HCFC1: variants seen among roughly 807,000 people sequenced by gnomAD.
HCFC1 encodes host cell factor 1.
HCFC1 carries 7 observed loss-of-function variants against 105.5 expected under a neutral mutation model. That is an observed-to-expected ratio of 0.07 (90% CI 0.04 to 0.12). The LOEUF (loss-of-function observed/expected upper bound fraction) is 0.12. Ranked by LOEUF, HCFC1 falls within the 10% of genes least tolerant of loss-of-function variation. The probability of loss-of-function intolerance (pLI) is 1.00; values close to 1 mark genes in which losing one functional copy is unlikely to be tolerated. For missense variants in HCFC1, 1,065 were observed against 1,823.6 expected, an observed-to-expected ratio of 0.58 and a Z score of 7.58; for synonymous variants, 918 against 828.1, an observed-to-expected ratio of 1.11 and a Z score of -1.86.
intron 13 of HCFC1, 113 bp downstream of exon 13, chrX:153,957,201 G>T: frequency 1.0e-6 from 1 of 969,605 alleles, no homozygotes; most frequent in South Asian, 2.2e-5. Flanking sequence ...AGGCAGCAAG[G>T]AGAAGATAGA....
intron 6 of HCFC1, among the ~76,000 whole-genome samples, chrX:153,960,866 C>A (rs1161846311): frequency 1.8e-5 from 2 of 112,865 alleles, no homozygotes; most frequent in African/African-American, 6.4e-5. Flanking sequence ...GGCCACCCAT[C>A]AGGCTTGGCA....
At chrX:153,957,225 A>G in intron 13 of HCFC1, 89 bp downstream of exon 13, 1 of 992,423 alleles carries the variant, frequency 1.0e-6, no homozygotes, top group South Asian at 2.2e-5. Context: ...GGGTAAACTA[A>G]ACAGAAACAC....
At chrX:153,966,488 A>G (rs1012799203) in intron 1 of HCFC1, among the ~76,000 whole-genome samples, 3 of 112,460 alleles carry the variant, frequency 2.7e-5, no homozygotes, top group Non-Finnish European at 5.6e-5. Flanking sequence ...CCTCTTTCTC[A>G]TTCCCAGTGC....
In HCFC1 at chrX:153,951,628, G is replaced by T. The variant is rs1057521778; in HGVS notation, c.5340C>A (p.Thr1780=). 1 of 1,211,150 alleles carries T rather than the reference G, an allele frequency of 8.3e-7. No individual in the cohort carries two copies. The highest frequency in any genetic ancestry group is 1.1e-6 in the Non-Finnish European group (1 of 895,258). Residue 1780 remains threonine (T), a synonymous_variant, in exon 21 of 26, where the codon ACC becomes ACA. Coordinates refer to ENST00000310441, the MANE Select transcript of HCFC1 (RefSeq NM_005334.3). ...ASPAKLQAAA[T]LTEVANGIES... ...CGATGCCATTGGCCACTTCGGTCAG[G>T]GTAGCTGCAGCCTGCAGCTTGGCTG...
intron 23 of HCFC1, 72 bp downstream of exon 23, chrX:153,950,741 C>G (rs910759871): frequency 2.3e-4 from 245 of 1,064,564 alleles, no homozygotes; most frequent in Admixed American, 6.1e-4. Flanking sequence ...TATGCCCCCC[C>G]CCGGCCACCT....
Position 153,971,018 on chromosome X carries a change from C to T in HCFC1, c.-178G>A. ...CTGCCCTCCTTCCCTTTGGCTCTTC[C>T]CTTTCTTCTCGCTCACCCCGTCTCC... On this transcript the variant is annotated 5_prime_UTR_variant, in exon 1 of 26. Coordinates refer to ENST00000310441, the MANE Select transcript of HCFC1 (RefSeq NM_005334.3). The T allele has an allele frequency of 5.0e-6, 2 of 401,047 alleles. No homozygotes were observed. The highest frequency in any genetic ancestry group is 4.5e-5 in the East Asian group (1 of 22,122). 33.1% of individuals were successfully genotyped at this position (401,047 alleles called of 1,213,427 possible).
Position 153,959,391 on chromosome X carries a change from G to A in HCFC1, c.1545C>T (p.Thr515=), listed in dbSNP as rs114030669. 9 of 1,210,804 alleles carry A rather than the reference G, an allele frequency of 7.4e-6. No individual in the cohort carries two copies. The highest frequency in any genetic ancestry group is 3.5e-5 in the African/African-American group (2 of 57,600). Reference sequence around the variant, plus strand: ...GCACTCCGGCGGGAAGGGAGGTCACGGTGACAGGGGCTTTCCCAGCCTGGC... The same window carrying A: ...GCACTCCGGCGGGAAGGGAGGTCACAGTGACAGGGGCTTTCCCAGCCTGGC... The part of the protein sequence containing the change: ...PASQAGKAPV[T]VTSLPAGVRM... Residue 515 remains threonine, a synonymous_variant, in exon 9 of 26, where the codon ACC becomes ACT. Transcript: ENST00000310441.
chrX:153,964,491 C>A (rs918431848), intron 2 of HCFC1, 87 bp downstream of exon 2: 13 of 1,030,046 alleles, frequency 1.3e-5, no homozygotes, highest in Non-Finnish European at 1.7e-5. Flanking sequence ...GCGTCCCTTC[C>A]ACCTCCCGCT....
intron 17 of HCFC1, 43 bp from the exon 18 acceptor site, chrX:153,953,813 C>A: frequency 8.7e-7 from 1 of 1,152,618 alleles, no homozygotes. Context: ...AGGAGCCCCC[C>A]CGGCCTGTAC....
intron 1 of HCFC1, chrX:153,969,896 C>T (rs1347697916): frequency 1.8e-5 from 2 of 112,765 alleles, no homozygotes; most frequent in African/African-American, 6.4e-5. Context: ...CCAGAAGGCA[C>T]CAGATTAGGA....
Position 153,956,907 on chromosome X carries a change from GA to G in HCFC1, c.2496+10del. 1 of 1,208,926 alleles carries G rather than the reference GA, an allele frequency of 8.3e-7. No individual in the cohort carries two copies. The highest frequency in any genetic ancestry group is 3.0e-5 in the East Asian group (1 of 33,779). ...GGACACTGGGCTGAGAGACGGCTGG[GA>G]GTGCCTCACCTGGGTCACTCCCTGC... is the stretch of plus-strand genomic sequence containing the variant. On this transcript the variant is annotated intron_variant, in intron 14 of 25. Coordinates refer to ENST00000310441, the MANE Select transcript of HCFC1 (RefSeq NM_005334.3).
intron 1 of HCFC1, among the ~76,000 whole-genome samples, chrX:153,965,203 G>A (rs2065463306): frequency 1.8e-5 from 2 of 111,197 alleles, no homozygotes; most frequent in Non-Finnish European, 3.8e-5. Context: ...CCATGGGGAT[G>A]AGACCCGGCC....
In HCFC1 at chrX:153,959,878, CG is replaced by C; in HGVS notation, c.1367del (p.Pro456ArgfsTer34). On this transcript the variant is annotated frameshift_variant, in exon 8 of 26. Coordinates refer to ENST00000310441, the MANE Select transcript of HCFC1 (RefSeq NM_005334.3). LOFTEE classifies it high-confidence loss of function. Reference protein sequence around the residue: ...TLLPQAAPAPPTTTTIQVLPT... With the variant: ...TLLPQAAPAPXTTTTIQVLPT... ...GCAAGACCTGGATGGTGGTGGTGGT[CG>C]GGGGTGCGGGGGCAGCCTGGGGCAG... 1 of 1,194,866 alleles carries C rather than the reference CG, an allele frequency of 8.4e-7. No individual in the cohort carries two copies. The highest frequency in any genetic ancestry group is 1.1e-6 in the Non-Finnish European group (1 of 885,092).
At chrX:153,963,164 G>C in intron 4 of HCFC1, 61 bp downstream of exon 4, 1 of 929,256 alleles carries the variant, frequency 1.1e-6, no homozygotes, top group Non-Finnish European at 1.5e-6. Context: ...CACCCACGGG[G>C]CCAGCCAAGA....
Position 153,954,680 on chromosome X carries a change from G to A in HCFC1, c.3719C>T (p.Ala1240Val), listed in dbSNP as rs782749607. ...AGRHSHAVSTAAMTRSSVGAG... is the reference protein window; with the variant it reads ...AGRHSHAVSTVAMTRSSVGAG... ...ACCCACGCTGGAACGGGTCATGGCA[G>A]CGGTGCTGACCGCATGGCTGTGGCG... The change falls in exon 17 of 26, where the codon GCT (alanine) becomes GTT (valine). Residue 1240 changes from alanine (A) to valine (V), a missense_variant. Transcript: ENST00000310441. 11 of 1,204,895 alleles carry A rather than the reference G, an allele frequency of 9.1e-6. 1 individual carries two copies. The highest frequency in any genetic ancestry group is 1.2e-5 in the Non-Finnish European group (11 of 892,916).
chrX:153,954,759 G>A lies in HCFC1; in HGVS notation c.3640C>T (p.Leu1214=). The change falls in exon 17 of 26, where the codon CTG becomes TTG. Residue 1214 remains leucine (L), a synonymous_variant. Transcript: ENST00000310441. ...CTGCTCAGCCTGACTTTGCTGCTCAGAGGGGCCAACTGCACAAAAGCAGGG... is the reference window on the plus strand; with the variant it reads ...CTGCTCAGCCTGACTTTGCTGCTCAAAGGGGCCAACTGCACAAAAGCAGGG... ...RSPAFVQLAP[L]SSKVRLSSPS... 1.7e-6 allele frequency: 2 copies of A among 1,172,995 alleles called. No individual in the cohort carries two copies. Among genetic ancestry groups the A allele is most frequent in the South Asian group, 1.9e-5 (1 of 53,705 alleles).
chrX:153,953,490 A>G, intron 18 of HCFC1, 117 bp downstream of exon 18: 1 of 758,284 alleles, frequency 1.3e-6, no homozygotes, highest in Non-Finnish European at 1.9e-6. Context: ...ATGGTCCGGA[A>G]AAGGGACCAG....
chrX:153,951,402 T>C lies in HCFC1; in HGVS notation c.5465A>G (p.Asn1822Ser), dbSNP rs782030061. 7 of 1,209,269 alleles carry C rather than the reference T, an allele frequency of 5.8e-6. 1 individual carries two copies. The highest frequency in any genetic ancestry group is 3.5e-5 in the South Asian group (2 of 56,940). The change falls in exon 22 of 26, where the codon AAT becomes AGT. Residue 1822 changes from asparagine (N) to serine (S), a missense_variant. Asn to Ser is a conservative substitution (Grantham distance 46). Transcript: ENST00000310441. ...WFDVGVIKGT[N>S]VMVTHYFLPP... Reference sequence around the variant, plus strand: ...CAGGAAATAGTGTGTCACCATTACATTGGTGCCCTTAATGACTCCCACATC... The same window carrying C: ...CAGGAAATAGTGTGTCACCATTACACTGGTGCCCTTAATGACTCCCACATC...
Position 153,971,037 on chromosome X carries a change from C to G in HCFC1, c.-197G>C. On this transcript the variant is annotated 5_prime_UTR_variant, in exon 1 of 26. Transcript: ENST00000310441. ...CTCTTCCCTTTCTTCTCGCTCACCC[C>G]GTCTCCGCAAGAGCCGCCCGAAACT... 2 of 389,207 alleles carry G rather than the reference C, an allele frequency of 5.1e-6. No homozygotes were observed. Among genetic ancestry groups the G allele is most frequent in the East Asian group, 4.6e-5 (1 of 21,822 alleles). 32.1% of individuals were successfully genotyped at this position (389,207 alleles called of 1,213,427 possible).
Sources: allele counts gnomAD v4.1 joint callset (sites outside exome capture counted in the v4.1 genomes callset), GRCh38; gene constraint gnomAD v4.1.1; transcripts MANE v1.5; gene names NCBI Gene and HGNC (gene_info 2026-07-23, HGNC 2026-07-21).